The following CLDN16 variants were observed in gnomAD, a reference collection of about 807,000 sequenced individuals.
The protein encoded by CLDN16 is claudin-16.
Under a neutral mutation model 24.6 loss-of-function variants are expected in CLDN16, and 13 were observed. That is an observed-to-expected ratio of 0.53 (90% CI 0.34 to 0.84). The LOEUF is 0.84. Ranked by LOEUF, CLDN16 falls within the 40% of genes least tolerant of loss-of-function variation. The probability of loss-of-function intolerance (pLI) is 0.01; values close to 1 mark genes in which losing one functional copy is unlikely to be tolerated. For synonymous variants in CLDN16, 116 were observed against 106.7 expected (o/e 1.09, Z -0.54); for missense variants, 298 against 292.7 (o/e 1.02, Z -0.13).
chr3:190,310,272 A>G, the CLDN16 span: 8 of 1,586,426 alleles, frequency 5.0e-6, no homozygotes, highest in Non-Finnish European at 6.9e-6. Flanking sequence ...ATTCAAAACA[A>G]AAGACTGTTA....
chr3:190,325,223 G>A (rs1209739549), intron 1 of CLDN16, among the ~76,000 whole-genome samples: 6 of 152,126 alleles, frequency 3.9e-5, no homozygotes. Context: ...TATTGAATAT[G>A]GCAGCGCTGG....
intron 3 of CLDN16, among the ~76,000 whole-genome samples, chr3:190,405,284 C>T (rs930215155): frequency 6.6e-6 from 1 of 151,830 alleles, no homozygotes; most frequent in African/African-American, 2.4e-5. Flanking sequence ...CAAATCCAGG[C>T]ATGGTGGTGC....
In CLDN16 at chr3:190,409,951, C is replaced by A. The variant is rs1338030534; in HGVS notation, c.623C>A (p.Ser208Ter). The stretch of plus-strand genomic sequence containing the variant: ...CCTTATTCCTTGAGGAAAGCCTATT[C>A]AGCCGCGGGTGTTTCCATGGCCAAG... The part of the protein sequence containing the change: ...NYPYSLRKAY[S>*]AAGVSMAKSY... Residue 208 changes from serine to a stop codon, truncating the protein, a stop_gained, in exon 5 of 5, where the codon TCA (serine) becomes TAA (stop). Transcript: ENST00000264734. LOFTEE classifies it high-confidence loss of function. The A allele has an allele frequency of 6.2e-7, 1 of 1,613,942 alleles. No homozygotes were observed.
chr3:190,295,136 TACTAAG>T, the CLDN16 span, among the ~76,000 whole-genome samples: 1 of 152,132 alleles, frequency 6.6e-6, no homozygotes, highest in Non-Finnish European at 1.5e-5. Context: ...ATCAGATGCC[TACTAAG>T]TGCCAGGTAC....
chr3:190,301,515 G>T, the CLDN16 span, among the ~76,000 whole-genome samples: 1 of 151,842 alleles, frequency 6.6e-6, no homozygotes, highest in Non-Finnish European at 1.5e-5. Context: ...AGAAGAAGAA[G>T]AAGGGGAAGG....
Position 190,362,658 on chromosome 3 carries a change from C to A in CLDN16, n.122-8235C>A, listed in dbSNP as rs568062914. Among the ~76,000 whole-genome samples the A allele has an allele frequency of 1.2e-4, 18 of 152,070 alleles. No homozygotes were observed. The Middle Eastern group carries it at 0.01, about 86-fold the overall frequency. On this transcript the variant is annotated intron_variant and non_coding_transcript_variant, in intron 1 of 4. Coordinates refer to the CLDN16 transcript ENST00000468220. ...CAGTTGGGCAGTTACATTAGTTCGC[C>A]TTCATTTTTTGAAGAATATTTTCAG...
At chr3:190,354,817 C>T (rs917440011) in intron 1 of CLDN16, among the ~76,000 whole-genome samples, 1 of 151,996 alleles carries the variant, frequency 6.6e-6, no homozygotes, top group African/African-American at 2.4e-5. Context: ...GTTGAATACC[C>T]TGAACTTGGA....
At chr3:190,378,681 G>T (rs191569751) in intron 3 of CLDN16, among the ~76,000 whole-genome samples, 96 of 152,120 alleles carry the variant, frequency 6.3e-4, no homozygotes, top group Non-Finnish European at 1.2e-3. Flanking sequence ...ATGGAAACTT[G>T]TTCCTGAATA....
At chr3:190,388,147 A>G (rs754537883), upstream of CLDN16, 4 of 1,613,946 alleles carry the variant, frequency 2.5e-6, no homozygotes, top group East Asian at 2.2e-5. Flanking sequence ...ACTGTTGGTT[A>G]CAGCCTGTTT....
At chr3:190,333,811 C>T (rs982858364) in intron 1 of CLDN16, among the ~76,000 whole-genome samples, 1 of 152,042 alleles carries the variant, frequency 6.6e-6, no homozygotes, top group African/African-American at 2.4e-5. Flanking sequence ...TCATATTCTT[C>T]AAAGGTGTAT....
rs1719255101 is a variant in CLDN16 at position 190,410,696 on chromosome 3, A to G, written c.*660A>G. On this transcript the variant is annotated 3_prime_UTR_variant, in exon 5 of 5. Coordinates refer to ENST00000264734, the MANE Select transcript of CLDN16 (RefSeq NM_006580.4). ...CTCGTGGTGACTTTCTACCTCACTAACAACATAAGGGATCTCCATATTATT... is the reference window on the plus strand; with the variant it reads ...CTCGTGGTGACTTTCTACCTCACTAGCAACATAAGGGATCTCCATATTATT... 6.6e-6 allele frequency: 1 copy of G among 152,420 alleles called. No individual in the cohort carries two copies. Among genetic ancestry groups the G allele is most frequent in the Non-Finnish European group, 1.5e-5 (1 of 68,286 alleles). The allele number at this position is 152,420 out of a possible 1,614,324, so 9.4% of individuals were successfully genotyped here.
At chr3:190,302,405 G>A in the CLDN16 span, among the ~76,000 whole-genome samples, 17,915 of 152,140 alleles carry the variant, frequency 0.12, 1,396 homozygotes, top group East Asian at 0.42. Flanking sequence ...ATTCATGGCT[G>A]CTGGGTTGCA....
chr3:190,386,596 G>T (rs1406641733), upstream of CLDN16, among the ~76,000 whole-genome samples: 1 of 152,096 alleles, frequency 6.6e-6, no homozygotes, highest in Non-Finnish European at 1.5e-5. Context: ...ACGCTATTCA[G>T]AACAGTGTTC....
At chr3:190,363,079 C>T (rs868394854) in intron 1 of CLDN16, among the ~76,000 whole-genome samples, 4 of 151,944 alleles carry the variant, frequency 2.6e-5, no homozygotes, top group African/African-American at 9.7e-5. Context: ...CCTTCAGAGA[C>T]ATCAATTACA....
intron 1 of CLDN16, among the ~76,000 whole-genome samples, chr3:190,340,366 G>T (rs953664664): frequency 1.3e-5 from 2 of 152,124 alleles, no homozygotes; most frequent in Non-Finnish European, 2.9e-5. Context: ...CATGCAGCGG[G>T]GAGGCCTCAC....
chr3:190,294,284 AT>A, the CLDN16 span, among the ~76,000 whole-genome samples: 3 of 152,196 alleles, frequency 2.0e-5, no homozygotes, highest in Non-Finnish European at 2.9e-5. Flanking sequence ...AACTAAAAAA[AT>A]GGAACAATTT....
At position 190,379,278 on chromosome 3, in the gene CLDN16, A is replaced by G. The variant is rs796273679; in HGVS notation, n.306+4675A>G. Among the ~76,000 whole-genome samples the G allele has an allele frequency of 3.9e-5, 6 of 152,204 alleles. No homozygotes were observed. In the East Asian group the frequency reaches 5.8e-4, roughly 15 times the overall value. On this transcript the variant is annotated intron_variant and non_coding_transcript_variant, in intron 3 of 4. Transcript: ENST00000468220. ...AAATGATTAGCCTCTTGAATGTAAA[A>G]TGTATTCCAAAATAAACTACACTAT...
intron 1 of CLDN16, among the ~76,000 whole-genome samples, chr3:190,367,117 C>G (rs1297507804): frequency 6.6e-6 from 1 of 151,802 alleles, no homozygotes; most frequent in Non-Finnish European, 1.5e-5. Flanking sequence ...TCTTGCTCCC[C>G]TTTGATTAGA....
At chr3:190,369,669 C>G (rs1718094836) in intron 1 of CLDN16, among the ~76,000 whole-genome samples, 1 of 151,824 alleles carries the variant, frequency 6.6e-6, no homozygotes, top group Admixed American at 6.6e-5. Context: ...GAACATCGTT[C>G]TATGTCAACA....
Sources: gnomAD v4.1 joint callset for allele counts (sites outside exome capture counted in the v4.1 genomes callset) on GRCh38, gnomAD v4.1.1 for gene constraint, MANE v1.5 for transcripts, NCBI Gene and HGNC (gene_info 2026-07-23, HGNC 2026-07-21) for gene names.